Variants in TENM3 observed in about 807,000 individuals in gnomAD.
TENM3 encodes the protein teneurin-3.
In TENM3, 63 loss-of-function variants were observed where a neutral mutation model predicts 255.1. The observed-to-expected ratio is 0.25, with a 90% CI of 0.20 to 0.30. TENM3 has a LOEUF of 0.30. Ranked by LOEUF, TENM3 falls within the 10% of genes least tolerant of loss-of-function variation. The probability of loss-of-function intolerance (pLI) is 1.00; values close to 1 mark genes in which losing one functional copy is unlikely to be tolerated. For synonymous variants in TENM3, 1,306 were observed against 1,322.3 expected (o/e 0.99, Z 0.27); for missense variants, 2,929 against 3,461.1 (o/e 0.85, Z 3.86).
chr4:182,695,089 T>C (rs1417340369), intron 12 of TENM3, among the ~76,000 whole-genome samples: 2 of 152,196 alleles, frequency 1.3e-5, no homozygotes, highest in East Asian at 3.8e-4. Flanking sequence ...AGATTTTAAG[T>C]CACATTTTGT....
the TENM3 span, among the ~76,000 whole-genome samples, chr4:181,966,724 A>G: frequency 2.0e-5 from 3 of 152,224 alleles, no homozygotes; most frequent in Non-Finnish European, 4.4e-5. Context: ...CTCTGAGAGA[A>G]TAAAAACAAG....
At chr4:181,448,549 A>T in the TENM3 span, among the ~76,000 whole-genome samples, 1 of 152,276 alleles carries the variant, frequency 6.6e-6, no homozygotes, top group South Asian at 2.1e-4. Context: ...TAAAACAGGA[A>T]AGATAAATGT....
At chr4:181,853,459 C>T in the TENM3 span, among the ~76,000 whole-genome samples, 3 of 152,170 alleles carry the variant, frequency 2.0e-5, no homozygotes, top group African/African-American at 4.8e-5. Context: ...GCAACCTAAT[C>T]GTAATTCATT....
At chr4:182,039,625 T>C in the TENM3 span, among the ~76,000 whole-genome samples, 1 of 152,054 alleles carries the variant, frequency 6.6e-6, no homozygotes, top group Non-Finnish European at 1.5e-5. Context: ...GTGATAGATA[T>C]GCACATATAC....
intron 1 of TENM3, among the ~76,000 whole-genome samples, chr4:182,222,540 C>T (rs17072895): frequency 0.03 from 4,600 of 152,222 alleles, 243 homozygotes; most frequent in African/African-American, 0.1. Flanking sequence ...TAATACACAT[C>T]GTGAACACAG....
chr4:181,633,302 T>C, the TENM3 span, among the ~76,000 whole-genome samples: 1 of 152,162 alleles, frequency 6.6e-6, no homozygotes, highest in Non-Finnish European at 1.5e-5. Context: ...GCTTATGTAG[T>C]CTGTGGTTGA....
intron 12 of TENM3, among the ~76,000 whole-genome samples, chr4:182,709,778 T>C (rs1579191901): frequency 6.6e-6 from 1 of 152,216 alleles, no homozygotes. Flanking sequence ...TTCTCTATGA[T>C]ATAAAATGCA....
chr4:181,563,708 G>A, the TENM3 span, among the ~76,000 whole-genome samples: 1 of 152,110 alleles, frequency 6.6e-6, no homozygotes, highest in Non-Finnish European at 1.5e-5. Context: ...ATTTTCCACT[G>A]TCATTTAATA....
intron 1 of TENM3, among the ~76,000 whole-genome samples, chr4:182,246,577 G>A (rs1016667072): frequency 2.6e-5 from 4 of 152,180 alleles, no homozygotes; most frequent in African/African-American, 9.7e-5. Flanking sequence ...AAATTCTGCA[G>A]CACGATCCCA....
At chr4:182,176,867 G>A (rs1266540402) in intron 1 of TENM3, among the ~76,000 whole-genome samples, 4 of 134,608 alleles carry the variant, frequency 3.0e-5, no homozygotes, top group Non-Finnish European at 6.2e-5. Flanking sequence ...TAGAGATGAG[G>A]TTTCACCATG....
the TENM3 span, among the ~76,000 whole-genome samples, chr4:181,539,546 C>T: frequency 6.6e-6 from 1 of 152,046 alleles, no homozygotes; most frequent in Non-Finnish European, 1.5e-5. Context: ...TCTAAAAATC[C>T]ATGTTAGTGA....
At chr4:182,087,784 T>A in the TENM3 span, among the ~76,000 whole-genome samples, 1 of 152,218 alleles carries the variant, frequency 6.6e-6, no homozygotes, top group Non-Finnish European at 1.5e-5. Flanking sequence ...ATTCATTCAT[T>A]TATTTATTCT....
At chr4:182,047,560 CAAAAA>C in the TENM3 span, among the ~76,000 whole-genome samples, 1 of 72,324 alleles carries the variant, frequency 1.4e-5, no homozygotes. Context: ...GACTCCATCT[CAAAAA>C]AAAAAAAAAA....
chr4:182,368,982 G>A (rs1376597655), intron 3 of TENM3, among the ~76,000 whole-genome samples: 2 of 152,080 alleles, frequency 1.3e-5, no homozygotes, highest in Admixed American at 6.5e-5. Context: ...TTCAAACATC[G>A]TTCCCTCATG....
At chr4:181,886,168 T>G in the TENM3 span, among the ~76,000 whole-genome samples, 1 of 148,154 alleles carries the variant, frequency 6.7e-6, no homozygotes, top group African/African-American at 2.5e-5. Flanking sequence ...TTCTCCCGCC[T>G]CAGCCTCCTG....
At chr4:181,515,230 A>G in the TENM3 span, among the ~76,000 whole-genome samples, 1 of 152,164 alleles carries the variant, frequency 6.6e-6, no homozygotes, top group Non-Finnish European at 1.5e-5. Context: ...ACATTTTTCT[A>G]CTTGGAAACA....
intron 6 of TENM3, among the ~76,000 whole-genome samples, chr4:182,657,159 G>T (rs1753826339): frequency 6.6e-6 from 1 of 152,134 alleles, no homozygotes; most frequent in Admixed American, 6.5e-5. Flanking sequence ...CCTTCAGCAT[G>T]TTACTTCACT....
the TENM3 span, among the ~76,000 whole-genome samples, chr4:181,606,601 C>T: frequency 6.6e-6 from 1 of 152,148 alleles, no homozygotes; most frequent in African/African-American, 2.4e-5. Flanking sequence ...GGATCCATGG[C>T]CTCACATGCA....
chr4:181,836,183 GCACACACA>G, the TENM3 span, among the ~76,000 whole-genome samples: 1 of 148,844 alleles, frequency 6.7e-6, no homozygotes, highest in Non-Finnish European at 1.5e-5. Context: ...ATACACACAT[GCACACACA>G]CACACACACA....
Sources: allele counts gnomAD v4.1 joint callset (sites outside exome capture counted in the v4.1 genomes callset), GRCh38; gene constraint gnomAD v4.1.1; transcripts MANE v1.5; gene names NCBI Gene and HGNC (gene_info 2026-07-23, HGNC 2026-07-21).